MAST4: variants seen among roughly 807,000 people sequenced by gnomAD.
MAST4 encodes microtubule associated serine/threonine kinase family member 4.
MAST4 carries 89 observed loss-of-function variants against 162.7 expected under a neutral mutation model. The ratio of observed to expected loss-of-function variants is 0.55; its 90% CI spans 0.46 to 0.65. The LOEUF is 0.65. Among genes scored for constraint, MAST4 ranks in the 30% least tolerant of loss-of-function variants. The pLI is 0.00. For synonymous variants in MAST4, 1,479 were observed against 1,361.1 expected (o/e 1.09, Z -1.91); for missense variants, 3,153 against 3,374.0 (o/e 0.93, Z 1.62).
chr5:66,680,146 TG>T (rs1748233915), intron 1 of MAST4, among the ~76,000 whole-genome samples: 1 of 152,166 alleles, frequency 6.6e-6, no homozygotes, highest in East Asian at 1.9e-4. Flanking sequence ...GGAGGTGAGC[TG>T]AGGAAAGGCT....
chr5:67,131,968 AAT>A lies in MAST4; in HGVS notation c.2093+22_2093+23del. 3.1e-6 allele frequency: 5 copies of A among 1,606,368 alleles called. No individual in the cohort carries two copies. Among genetic ancestry groups the A allele is most frequent in the Non-Finnish European group, 4.3e-6 (5 of 1,175,510 alleles). ...ACCAGACAAGTATGTACACAAATGA[AAT>A]ATATGTCTTCTTTTGCCCAATACAA... On this transcript the variant is annotated intron_variant, in intron 16 of 28. Coordinates refer to ENST00000403625, the MANE Select transcript of MAST4 (RefSeq NM_001164664.2).
chr5:66,596,475 T>G lies in MAST4; in HGVS notation c.-181T>G. 1 of 723,328 alleles carries G rather than the reference T, an allele frequency of 1.4e-6. No individual in the cohort carries two copies. Among genetic ancestry groups the G allele is most frequent in the Non-Finnish European group, 1.9e-6 (1 of 520,970 alleles). The allele number at this position is 723,328 out of a possible 1,614,324, so 44.8% of individuals were successfully genotyped here. ...GTTTGCGGCCGGGCCCGGGCGGCTG[T>G]GAACTTAGCAGCGGGCTCCTGCGGC... is the stretch of plus-strand genomic sequence containing the variant. On this transcript the variant is annotated 5_prime_UTR_variant, in exon 1 of 29. Transcript: ENST00000403625.
intron 4 of MAST4, among the ~76,000 whole-genome samples, chr5:66,992,611 C>G (rs1750184369): frequency 6.6e-6 from 1 of 152,198 alleles, no homozygotes; most frequent in South Asian, 2.1e-4. Flanking sequence ...TCAATCTCAT[C>G]TAAAGCCTTA....
chr5:66,766,597 C>G (rs1214853100), intron 2 of MAST4, among the ~76,000 whole-genome samples: 2 of 152,000 alleles, frequency 1.3e-5, no homozygotes, highest in Admixed American at 1.3e-4. Context: ...GAAGCTATTG[C>G]TTTTAATTAC....
chr5:67,165,290 G>C lies in MAST4; in HGVS notation c.6111G>C (p.Ala2037=). 6.2e-7 allele frequency: 1 copy of C among 1,613,466 alleles called. No homozygotes were observed. Among genetic ancestry groups the C allele is most frequent in the South Asian group, 1.1e-5 (1 of 91,080 alleles). The stretch of plus-strand genomic sequence containing the variant: ...CCCAGGCCATGGAGAAAGCATGGGC[G>C]CCGGGTGGGAAAACGAACCACAAAG... ...TQTQAMEKAW[A]PGGKTNHKDG... is the part of the protein sequence containing the mutation. The change falls in exon 29 of 29, where the codon GCG becomes GCC. Residue 2037 remains alanine (A), a synonymous_variant. Transcript: ENST00000403625.
chr5:66,950,595 A>T (rs931582627), intron 4 of MAST4, among the ~76,000 whole-genome samples: 10 of 152,268 alleles, frequency 6.6e-5, no homozygotes, highest in Non-Finnish European at 1.0e-4. Context: ...TAGTTCATCC[A>T]TGTTGTAATA....
intron 3 of MAST4, among the ~76,000 whole-genome samples, chr5:66,824,073 G>A (rs180721217): frequency 5.9e-5 from 9 of 152,286 alleles, no homozygotes; most frequent in Admixed American, 3.9e-4. Flanking sequence ...CATCCACTTG[G>A]CCATATTGAC....
intron 6 of MAST4, 113 bp downstream of exon 6, chr5:67,090,344 TCCCCACTTCCCCTTCC>T (rs1199714029): frequency 1.0e-5 from 4 of 388,854 alleles, no homozygotes; most frequent in Admixed American, 3.7e-5. Context: ...CTTCTCCCCC[TCCCCACTTCCCCTTCC>T]CCCCACTTCC....
intron 2 of MAST4, among the ~76,000 whole-genome samples, chr5:66,771,951 T>C (rs953716539): frequency 6.6e-6 from 1 of 152,210 alleles, no homozygotes; most frequent in African/African-American, 2.4e-5. Context: ...TTGTGCTCTT[T>C]TAGGTTCTGA....
chr5:66,640,522 A>T lies in MAST4; in HGVS notation c.363+43504A>T, dbSNP rs971174790. Among the ~76,000 whole-genome samples, 3 of 152,058 alleles carry T rather than the reference A, an allele frequency of 2.0e-5. No individual in the cohort carries two copies. The East Asian group carries it at 5.8e-4, about 29-fold the overall frequency. ...TCAGGGTTTCACTGTGTTAGCCAGG[A>T]TGGTCTCTATCTCCTGACCTTGTGA... is the stretch of plus-strand genomic sequence containing the variant. On this transcript the variant is annotated intron_variant, in intron 1 of 28. Coordinates refer to ENST00000403625, the MANE Select transcript of MAST4 (RefSeq NM_001164664.2).
At chr5:66,949,104 G>C (rs536598789) in intron 4 of MAST4, among the ~76,000 whole-genome samples, 9 of 152,194 alleles carry the variant, frequency 5.9e-5, no homozygotes, top group Admixed American at 5.2e-4. Context: ...TACATTACCT[G>C]GAAAAATACT....
Position 66,979,580 on chromosome 5 carries a change from G to T in MAST4, c.675-74824G>T, listed in dbSNP as rs553607379. Among the ~76,000 whole-genome samples the T allele has an allele frequency of 2.6e-5, 4 of 152,284 alleles. No individual in the cohort carries two copies. The South Asian group carries it at 8.3e-4, about 32-fold the overall frequency. On this transcript the variant is annotated intron_variant, in intron 4 of 28. Coordinates refer to ENST00000403625, the MANE Select transcript of MAST4 (RefSeq NM_001164664.2). Reference sequence around the variant, plus strand: ...CTAGAGAATGATCCTTGGTTGTGGGGCAGGGACACATTTGTTTTTTCTTTC... The same window carrying T: ...CTAGAGAATGATCCTTGGTTGTGGGTCAGGGACACATTTGTTTTTTCTTTC...
At chr5:66,656,996 C>A (rs1413175726) in intron 1 of MAST4, among the ~76,000 whole-genome samples, 1 of 152,168 alleles carries the variant, frequency 6.6e-6, no homozygotes, top group Non-Finnish European at 1.5e-5. Context: ...CCAGTAGTAT[C>A]AAATCTCTCT....
At chr5:66,728,453 G>A (rs556167349) in intron 1 of MAST4, among the ~76,000 whole-genome samples, 136 of 152,254 alleles carry the variant, frequency 8.9e-4, no homozygotes, top group African/African-American at 3.2e-3. Flanking sequence ...CTGGCTTTAT[G>A]CCTGTGAATG....
intron 3 of MAST4, among the ~76,000 whole-genome samples, chr5:66,853,095 G>A (rs1002335042): frequency 6.6e-6 from 1 of 152,188 alleles, no homozygotes; most frequent in East Asian, 1.9e-4. Context: ...TCATGGCCTT[G>A]TGCCATGACT....
chr5:66,854,687 C>A (rs1488801867), intron 3 of MAST4, among the ~76,000 whole-genome samples: 1 of 152,040 alleles, frequency 6.6e-6, no homozygotes, highest in Non-Finnish European at 1.5e-5. Flanking sequence ...GGAAGTGACA[C>A]CTCCTCACTT....
At chr5:66,928,135 A>G (rs1765041175) in intron 4 of MAST4, among the ~76,000 whole-genome samples, 1 of 152,200 alleles carries the variant, frequency 6.6e-6, no homozygotes, top group Admixed American at 6.5e-5. Context: ...CAAAGGTACC[A>G]GGTGTTAGGA....
At chr5:67,118,599 C>T in intron 12 of MAST4, 83 bp from the exon 13 acceptor site, 2 of 834,764 alleles carry the variant, frequency 2.4e-6, no homozygotes, top group Non-Finnish European at 3.8e-6. Flanking sequence ...ATGGGAGAAA[C>T]TATTTTTCTT....
At chr5:66,851,900 G>C (rs1476083201) in intron 3 of MAST4, among the ~76,000 whole-genome samples, 5 of 152,088 alleles carry the variant, frequency 3.3e-5, no homozygotes, top group African/African-American at 1.2e-4. Flanking sequence ...GGTTTTGGAG[G>C]TTCCTTTAGT....
Sources: gnomAD v4.1 joint callset for allele counts (sites outside exome capture counted in the v4.1 genomes callset) on GRCh38, gnomAD v4.1.1 for gene constraint, MANE v1.5 for transcripts, NCBI Gene and HGNC (gene_info 2026-07-23, HGNC 2026-07-21) for gene names.